Variants in TYW5 observed in about 807,000 individuals in gnomAD.
TYW5 encodes the protein tRNA wybutosine-synthesizing protein 5.
In TYW5, 36 loss-of-function variants were observed where a neutral mutation model predicts 44.4. That is an observed-to-expected ratio of 0.81 (90% CI 0.62 to 1.07). The LOEUF is 1.07. Among genes scored for constraint, TYW5 ranks in the 50% least tolerant of loss-of-function variants. TYW5 has a pLI of 0.00. For missense variants in TYW5, 354 were observed against 365.7 expected (o/e 0.97, Z 0.26); for synonymous variants, 121 against 128.1 (o/e 0.94, Z 0.37).
At position 199,932,807 on chromosome 2, in the gene TYW5, T is replaced by TTGTG; in HGVS notation, c.*256_*259dup. On this transcript the variant is annotated 3_prime_UTR_variant, in exon 8 of 8. Coordinates refer to ENST00000354611, the MANE Select transcript of TYW5 (RefSeq NM_001039693.3). ...ACATTCTGTCAATAGATTTCATGTA[T>TTGTG]TGTGAATCAATATATTTTCTTACTG... 1 of 438,244 alleles carries TTGTG rather than the reference T, an allele frequency of 2.3e-6. No homozygotes were observed. The highest frequency in any genetic ancestry group is 4.0e-6 in the Non-Finnish European group (1 of 246,990). 27.1% of individuals were successfully genotyped at this position (438,244 alleles called of 1,614,324 possible).
At chr2:199,949,202 A>G (rs1390250179) in intron 1 of TYW5, among the ~76,000 whole-genome samples, 2 of 151,990 alleles carry the variant, frequency 1.3e-5, no homozygotes, top group East Asian at 3.9e-4. Context: ...TAAAAATTAA[A>G]AAAAAAATAA....
Position 199,929,970 on chromosome 2 carries a change from A to ATTTTTT in TYW5, c.*3091_*3096dup, listed in dbSNP as rs35165461. The ATTTTTT allele has an allele frequency of 3.3e-5, 3 of 89,824 alleles. No homozygotes were observed. The highest frequency in any genetic ancestry group is 4.3e-5 in the Non-Finnish European group (2 of 46,066). 5.6% of individuals were successfully genotyped at this position (89,824 alleles called of 1,614,324 possible). A position where few individuals can be genotyped will look rare whatever the true frequency, so the allele number is the denominator to read the frequency against. ...ACCACTCCCCAGCTCTGCATATAATATTTTTTTTTTTTTTTTTTTTTTTGA... is the reference window on the plus strand; with the variant it reads ...ACCACTCCCCAGCTCTGCATATAATATTTTTTTTTTTTTTTTTTTTTTTTTTTTTGA... On this transcript the variant is annotated 3_prime_UTR_variant, in exon 8 of 8. Coordinates refer to ENST00000354611, the MANE Select transcript of TYW5 (RefSeq NM_001039693.3).
Position 199,943,553 on chromosome 2 carries a change from C to CTGT in TYW5, c.303+211_303+212insACA. 3 of 455,766 alleles carry CTGT rather than the reference C, an allele frequency of 6.6e-6. No individual in the cohort carries two copies. In the East Asian group the frequency reaches 1.1e-4, roughly 17 times the overall value. The allele number at this position is 455,766 out of a possible 1,614,324, so 28.2% of individuals were successfully genotyped here. The stretch of plus-strand genomic sequence containing the variant: ...AGGTACTATTATCACCCCCATTTCA[C>CTGT]AGATGAGTATACTGAAGTACAGAAA... On this transcript the variant is annotated intron_variant, in intron 3 of 7. Transcript: ENST00000354611.
Position 199,940,097 on chromosome 2 carries a change from G to T in TYW5, c.340C>A (p.Pro114Thr). 1 of 1,612,046 alleles carries T rather than the reference G, an allele frequency of 6.2e-7. No individual in the cohort carries two copies. The highest frequency in any genetic ancestry group is 8.5e-7 in the Non-Finnish European group (1 of 1,179,056). The stretch of plus-strand genomic sequence containing the variant: ...ACATTTAGAATTCTTACCTTTCTAG[G>T]GTCTTCTCCAAGTGACCGTAAGTAG... The part of the protein sequence containing the change: ...KYYLRSLGED[P>T]RKDVADIRKQ... The change falls in exon 4 of 8, where the codon CCT becomes ACT. Residue 114 changes from proline (P) to threonine (T), a missense_variant. Transcript: ENST00000354611.
chr2:199,949,469 T>G (rs1358883520), intron 1 of TYW5, among the ~76,000 whole-genome samples: 1 of 152,204 alleles, frequency 6.6e-6, no homozygotes, highest in Non-Finnish European at 1.5e-5. Flanking sequence ...CTTTGCTTTA[T>G]TTTTTCCTAA....
In TYW5 at chr2:199,936,455, T is replaced by C. The variant is rs767708192; in HGVS notation, c.524A>G (p.Lys175Arg). 6.2e-7 allele frequency: 1 copy of C among 1,612,632 alleles called. No homozygotes were observed. The highest frequency in any genetic ancestry group is 8.5e-7 in the Non-Finnish European group (1 of 1,179,348). ...DNLLIQVTGK[K>R]RVVLFSPRDA... ...TCGAGGACTGAAGAGTACAACACGC[T>C]TTTTTCCTGTCACTTGTATTAACAA... The change falls in exon 6 of 8, where the codon AAG (lysine) becomes AGG (arginine). Residue 175 changes from lysine to arginine, a missense_variant. Transcript: ENST00000354611.
At chr2:199,948,580 C>T (rs2077520768) in intron 1 of TYW5, 108 bp from the exon 2 acceptor site, 3 of 1,083,058 alleles carry the variant, frequency 2.8e-6, no homozygotes, top group Non-Finnish European at 4.0e-6. Flanking sequence ...ACTCTTGCTC[C>T]CAAGATGCTT....
chr2:199,951,385 T>C (rs1444972137), intron 1 of TYW5, among the ~76,000 whole-genome samples: 1 of 152,232 alleles, frequency 6.6e-6, no homozygotes, highest in Non-Finnish European at 1.5e-5. Flanking sequence ...CTTCTCCCTC[T>C]CCCACTTAAA....
At chr2:199,936,560 C>T in intron 5 of TYW5, 68 bp from the exon 6 acceptor site, 1 of 1,353,598 alleles carries the variant, frequency 7.4e-7, no homozygotes, top group Non-Finnish European at 1.0e-6. Context: ...CAATGGCATG[C>T]TAAACTTTAA....
chr2:199,929,947 C>T lies in TYW5; in HGVS notation c.*3120G>A, dbSNP rs796784098. On this transcript the variant is annotated 3_prime_UTR_variant, in exon 8 of 8. Coordinates refer to ENST00000354611, the MANE Select transcript of TYW5 (RefSeq NM_001039693.3). The stretch of plus-strand genomic sequence containing the variant: ...TGCTGGGACTACAGGTGTGGACCAC[C>T]ACTCCCCAGCTCTGCATATAATATT... 2.6e-5 allele frequency: 4 copies of T among 153,004 alleles called. No individual in the cohort carries two copies. Among genetic ancestry groups the T allele is most frequent in the African/African-American group, 9.7e-5 (4 of 41,262 alleles). 9.5% of individuals were successfully genotyped at this position (153,004 alleles called of 1,614,324 possible).
Position 199,948,488 on chromosome 2 carries a change from G to A in TYW5, c.79-16C>T. The A allele has an allele frequency of 6.2e-7, 1 of 1,613,282 alleles. No homozygotes were observed. The highest frequency in any genetic ancestry group is 8.5e-7 in the Non-Finnish European group (1 of 1,179,750). On this transcript the variant is annotated splice_polypyrimidine_tract_variant and intron_variant, in intron 1 of 7. Transcript: ENST00000354611. Reference sequence around the variant, plus strand: ...GAGGTTTTCTCTGTAAGTGGGGAAAGAAATACAACAAAATTCATGAAAACC... The same window carrying A: ...GAGGTTTTCTCTGTAAGTGGGGAAAAAAATACAACAAAATTCATGAAAACC...
rs770253836 is a variant in TYW5 at position 199,939,057 on chromosome 2, A to G, written c.362T>C (p.Ile121Thr). The change falls in exon 5 of 8, where the codon ATC becomes ACC. Residue 121 changes from isoleucine to threonine, a missense_variant. By Grantham distance (89) the Ile-to-Thr change is moderately conservative. Coordinates refer to ENST00000354611, the MANE Select transcript of TYW5 (RefSeq NM_001039693.3). Reference protein sequence around the residue: ...GEDPRKDVADIRKQFPLLKGD... With the variant: ...GEDPRKDVADTRKQFPLLKGD... ...TTTCAACAAAGGAAACTGCTTTCTG[A>G]TATCTGCAACATCCTGCATTTACAG... is the stretch of plus-strand genomic sequence containing the variant. The G allele has an allele frequency of 1.2e-6, 2 of 1,609,804 alleles. No homozygotes were observed. Among genetic ancestry groups the G allele is most frequent in the Admixed American group, 1.7e-5 (1 of 58,526 alleles).
At position 199,949,212 on chromosome 2, in the gene TYW5, A is replaced by G. The variant is rs562989961; in HGVS notation, c.79-740T>C. Among the ~76,000 whole-genome samples, 4 of 152,084 alleles carry G rather than the reference A, an allele frequency of 2.6e-5. No homozygotes were observed. The East Asian group carries it at 7.7e-4, about 29-fold the overall frequency. On this transcript the variant is annotated intron_variant, in intron 1 of 7. Transcript: ENST00000354611. ...TCTACTAAAAATTAAAAAAAAAATA[A>G]GAAAAAGAAAATTTGAAGTGTGGTG... is the stretch of plus-strand genomic sequence containing the variant.
Position 199,936,059 on chromosome 2 carries a change from CAAAAAGGGAT to C in TYW5, c.575-22_575-13del, listed in dbSNP as rs1047095000. 4.2e-6 allele frequency: 6 copies of C among 1,428,524 alleles called. No individual in the cohort carries two copies. Among genetic ancestry groups the C allele is most frequent in the Non-Finnish European group, 4.9e-6 (5 of 1,023,846 alleles). 88.5% of individuals were successfully genotyped at this position (1,428,524 alleles called of 1,614,324 possible). A position where few individuals can be genotyped will look rare whatever the true frequency, so the allele number is the denominator to read the frequency against. On this transcript the variant is annotated splice_polypyrimidine_tract_variant and intron_variant, in intron 6 of 7. Transcript: ENST00000354611. ...TTCTGATTTAGTACCTAAAAAGTTC[CAAAAAGGGAT>C]AATATAGATTCAGCAAAGTTAGCAT...
chr2:199,948,834 T>C (rs550294856), intron 1 of TYW5, among the ~76,000 whole-genome samples: 1 of 152,336 alleles, frequency 6.6e-6, no homozygotes, highest in East Asian at 1.9e-4. Context: ...TTTACCCCGA[T>C]TCACCAACTG....
At chr2:199,936,374 T>C in intron 6 of TYW5, 31 bp downstream of exon 6, 2 of 1,569,706 alleles carry the variant, frequency 1.3e-6, no homozygotes, top group Non-Finnish European at 1.7e-6. Context: ...GAATAGACTT[T>C]TGAAATATAA....
At position 199,929,846 on chromosome 2, in the gene TYW5, A is replaced by G. The variant is rs2077360680; in HGVS notation, c.*3221T>C. The G allele has an allele frequency of 6.6e-6, 1 of 151,610 alleles. No homozygotes were observed. The highest frequency in any genetic ancestry group is 6.6e-5 in the Admixed American group (1 of 15,198). The allele number at this position is 151,610 out of a possible 1,614,324, so 9.4% of individuals were successfully genotyped here. A position where few individuals can be genotyped will look rare whatever the true frequency, so the allele number is the denominator to read the frequency against. On this transcript the variant is annotated 3_prime_UTR_variant, in exon 8 of 8. Coordinates refer to ENST00000354611, the MANE Select transcript of TYW5 (RefSeq NM_001039693.3). ...ACTCTGTTTAGTTTTTTTTTTTGAGACAGGTCTCCCCATGTTGCCCAGACT... is the reference window on the plus strand; with the variant it reads ...ACTCTGTTTAGTTTTTTTTTTTGAGGCAGGTCTCCCCATGTTGCCCAGACT...
rs967119681 is a variant in TYW5 at position 199,931,707 on chromosome 2, A to G, written c.*1360T>C. On this transcript the variant is annotated 3_prime_UTR_variant, in exon 8 of 8. Coordinates refer to ENST00000354611, the MANE Select transcript of TYW5 (RefSeq NM_001039693.3). ...CCTTATTTACTATAATTTATAGGAC[A>G]TGAGTGGATGGATTCTCTTCAATAG... is the stretch of plus-strand genomic sequence containing the variant. 6.6e-6 allele frequency: 1 copy of G among 152,204 alleles called. No homozygotes were observed. Among genetic ancestry groups the G allele is most frequent in the South Asian group, 2.1e-4 (1 of 4,828 alleles). The allele number at this position is 152,204 out of a possible 1,614,324, so 9.4% of individuals were successfully genotyped here.
At chr2:199,952,198 G>A (rs75107881) in intron 1 of TYW5, among the ~76,000 whole-genome samples, 2,718 of 152,034 alleles carry the variant, frequency 0.018, 86 homozygotes, top group African/African-American at 0.062. Context: ...GTAACACTAC[G>A]TAAATATTTA....
Sources: gnomAD v4.1 joint callset for allele counts (sites outside exome capture counted in the v4.1 genomes callset) on GRCh38, gnomAD v4.1.1 for gene constraint, MANE v1.5 for transcripts, NCBI Gene and HGNC (gene_info 2026-07-23, HGNC 2026-07-21) for gene names.